Variants in LGALS8 observed in about 807,000 individuals in gnomAD.
The protein encoded by LGALS8 is galectin 8.
In LGALS8, 30 loss-of-function variants were observed where a neutral mutation model predicts 35.9. The observed-to-expected ratio is 0.83, with a 90% CI of 0.62 to 1.13. The LOEUF (loss-of-function observed/expected upper bound fraction) is 1.13. Ranked by LOEUF, LGALS8 falls within the 50% of genes most tolerant of loss-of-function variation. LGALS8 has a pLI of 0.00. For missense variants in LGALS8, 366 were observed against 388.7 expected (o/e 0.94, Z 0.49); for synonymous variants, 138 against 136.1 (o/e 1.01, Z -0.10).
At chr1:236,533,031 C>T (rs1216208295) in intron 2 of LGALS8, among the ~76,000 whole-genome samples, 1 of 152,202 alleles carries the variant, frequency 6.6e-6, no homozygotes, top group Non-Finnish European at 1.5e-5. Flanking sequence ...CAGTCAGTCA[C>T]CCAGATGACC....
At chr1:236,539,255 A>AGGG (rs68141305) in intron 4 of LGALS8, 166 bp downstream of exon 4, 1 of 494,792 alleles carries the variant, frequency 2.0e-6, no homozygotes, top group East Asian at 3.1e-5. Context: ...CCTAAATGTG[A>AGGG]GGTATGGCAC....
Position 236,550,839 on chromosome 1 carries a change from A to C in LGALS8, c.*2678A>C. On this transcript the variant is annotated 3_prime_UTR_variant, in exon 10 of 10. Transcript: ENST00000366584. ...AAAAGTAACATGGCACCCAACACCC[A>C]AAAATAAAAATATGAAATATGAGTG... 2 of 1,345,674 alleles carry C rather than the reference A, an allele frequency of 1.5e-6. No homozygotes were observed. Among genetic ancestry groups the C allele is most frequent in the South Asian group, 1.3e-5 (1 of 76,728 alleles). The allele number at this position is 1,345,674 out of a possible 1,614,324, so 83.4% of individuals were successfully genotyped here.
At chr1:236,528,232 A>T (rs2853621) in intron 2 of LGALS8, among the ~76,000 whole-genome samples, 1 of 151,454 alleles carries the variant, frequency 6.6e-6, no homozygotes, top group Non-Finnish European at 1.5e-5. Context: ...AAATACAAAA[A>T]TTAGCCAGGC....
chr1:236,529,636 TTC>T (rs1205006053), intron 2 of LGALS8, among the ~76,000 whole-genome samples: 3 of 148,974 alleles, frequency 2.0e-5, no homozygotes, highest in African/African-American at 7.4e-5. Flanking sequence ...TTTTTTTTTT[TTC>T]TTTCTTCTCT....
Position 236,544,909 on chromosome 1 carries a change from C to T in LGALS8, c.798C>T (p.Tyr266=), listed in dbSNP as rs372378220. 2 of 1,604,672 alleles carry T rather than the reference C, an allele frequency of 1.2e-6. No individual in the cohort carries two copies. The highest frequency in any genetic ancestry group is 2.7e-5 in the African/African-American group (2 of 74,568). Residue 266 remains tyrosine (Y), a synonymous_variant, in exon 9 of 10, where the codon TAC becomes TAT. Coordinates refer to ENST00000366584, the MANE Select transcript of LGALS8 (RefSeq NM_201544.4). ...CTTTCCCATTTAGTCCTGGGATGTA[C>T]TTTGAGGTGAGGTTACAGTTTTTGA... The part of the protein sequence containing the change: ...ITSFPFSPGM[Y]FEMIIYCDVR...
Position 236,539,100 on chromosome 1 carries a change from GA to G in LGALS8, c.345+12del, listed in dbSNP as rs1231539316. On this transcript the variant is annotated intron_variant, in intron 4 of 9. Transcript: ENST00000366584. The stretch of plus-strand genomic sequence containing the variant: ...AAGGACAAATTCCAGGTAGGTTTTG[GA>G]GAGGGACAGGTTGAGTCCTCATTAG... 6.2e-7 allele frequency: 1 copy of G among 1,609,526 alleles called. No homozygotes were observed. Among genetic ancestry groups the G allele is most frequent in the East Asian group, 2.2e-5 (1 of 44,878 alleles).
In LGALS8 at chr1:236,537,647, A is replaced by G. The variant is rs926869475; in HGVS notation, c.134+62A>G. 5.0e-6 allele frequency: 6 copies of G among 1,190,416 alleles called. No individual in the cohort carries two copies. In the African/African-American group the frequency reaches 7.3e-5, roughly 15 times the overall value. 73.7% of individuals were successfully genotyped at this position (1,190,416 alleles called of 1,614,324 possible). On this transcript the variant is annotated intron_variant, in intron 3 of 9. Coordinates refer to ENST00000366584, the MANE Select transcript of LGALS8 (RefSeq NM_201544.4). ...GCTGTCTTTTTGTGATTGTGGAATG[A>G]TAACAGAGTAAGGCGGGAGAGACCA...
intron 2 of LGALS8, among the ~76,000 whole-genome samples, chr1:236,532,845 A>T (rs1356283837): frequency 7.9e-6 from 1 of 126,006 alleles, no homozygotes; most frequent in Non-Finnish European, 1.6e-5. Flanking sequence ...ACTCCATCTC[A>T]AGAAAAACAA....
chr1:236,544,418 A>G (rs1662228076), intron 8 of LGALS8, among the ~76,000 whole-genome samples: 1 of 152,254 alleles, frequency 6.6e-6, no homozygotes, highest in African/African-American at 2.4e-5. Flanking sequence ...TGAAAAGAGA[A>G]TACCTGCTTG....
intron 2 of LGALS8, among the ~76,000 whole-genome samples, chr1:236,529,621 TG>T (rs1359257423): frequency 0.045 from 3,309 of 73,626 alleles, 156 homozygotes; most frequent in African/African-American, 0.13. Flanking sequence ...CTTCCTTTTC[TG>T]TTTTTTTTTT....
chr1:236,525,131 G>A (rs1396922546), intron 1 of LGALS8, among the ~76,000 whole-genome samples: 1 of 152,054 alleles, frequency 6.6e-6, no homozygotes, highest in East Asian at 1.9e-4. Context: ...ATTTTTTTAA[G>A]CAACAGAGAA....
At position 236,550,870 on chromosome 1, in the gene LGALS8, T is replaced by TCTA; in HGVS notation, c.*2711_*2712insACT. The stretch of plus-strand genomic sequence containing the variant: ...AAAAATATGAAATATGAGTGTGAAC[T>TCTA]CTGAGTAGAGTATGAAACACCACAG... On this transcript the variant is annotated 3_prime_UTR_variant, in exon 10 of 10. Transcript: ENST00000366584. 1.3e-6 allele frequency: 2 copies of TCTA among 1,515,902 alleles called. No individual in the cohort carries two copies. The highest frequency in any genetic ancestry group is 1.8e-6 in the Non-Finnish European group (2 of 1,117,138). The allele number at this position is 1,515,902 out of a possible 1,614,324, so 93.9% of individuals were successfully genotyped here.
chr1:236,541,593 A>G (rs145490157), intron 5 of LGALS8, 61 bp from the exon 6 acceptor site: 1 of 107,014 alleles, frequency 9.3e-6, no homozygotes, highest in Non-Finnish European at 2.0e-5. Context: ...TGTCAATATA[A>G]AATATTTAGA....
upstream of LGALS8, chr1:236,523,379 C>T (rs1660613794): frequency 6.6e-6 from 1 of 152,618 alleles, no homozygotes; most frequent in South Asian, 2.1e-4. Context: ...ACCGTTTCAC[C>T]TGCATACAGA....
Position 236,549,001 on chromosome 1 carries a change from T to C in LGALS8, c.*840T>C. ...CAGAAAGTTTCAGGAAGAGGCAAGATGCATTCAATTTGAAAGATATTTATG... is the reference window on the plus strand; with the variant it reads ...CAGAAAGTTTCAGGAAGAGGCAAGACGCATTCAATTTGAAAGATATTTATG... On this transcript the variant is annotated 3_prime_UTR_variant, in exon 10 of 10. Transcript: ENST00000366584. The C allele has an allele frequency of 2.5e-6, 1 of 398,626 alleles. No homozygotes were observed. Among genetic ancestry groups the C allele is most frequent in the Non-Finnish European group, 4.4e-6 (1 of 226,054 alleles). 24.7% of individuals were successfully genotyped at this position (398,626 alleles called of 1,614,324 possible).
intron 2 of LGALS8, among the ~76,000 whole-genome samples, chr1:236,535,412 GTTTATA>G (rs920345441): frequency 2.0e-5 from 3 of 151,762 alleles, no homozygotes; most frequent in Admixed American, 1.3e-4. Context: ...TCTTTTTAAT[GTTTATA>G]TTTATTTAGT....
intron 9 of LGALS8, among the ~76,000 whole-genome samples, chr1:236,546,790 G>T (rs981247195): frequency 6.6e-6 from 1 of 152,194 alleles, no homozygotes; most frequent in African/African-American, 2.4e-5. Context: ...TGTGTGTTTT[G>T]TGTTTTCTTG....
chr1:236,525,169 T>C (rs528370321), intron 1 of LGALS8, among the ~76,000 whole-genome samples: 1 of 152,304 alleles, frequency 6.6e-6, no homozygotes, highest in East Asian at 1.9e-4. Flanking sequence ...ATTAAAAGTA[T>C]TGGATTTTTC....
intron 2 of LGALS8, among the ~76,000 whole-genome samples, chr1:236,529,145 C>T (rs1018348101): frequency 3.3e-5 from 5 of 151,890 alleles, no homozygotes; most frequent in South Asian, 2.1e-4. Flanking sequence ...GGGATTGTGG[C>T]GCATGTCTGT....
Sources: allele counts gnomAD v4.1 joint callset (sites outside exome capture counted in the v4.1 genomes callset), GRCh38; gene constraint gnomAD v4.1.1; transcripts MANE v1.5; gene names NCBI Gene and HGNC (gene_info 2026-07-23, HGNC 2026-07-21).